CCBE1: variants seen among roughly 807,000 people sequenced by gnomAD.
CCBE1 encodes collagen and calcium-binding EGF domain-containing protein 1.
CCBE1 carries 37 observed loss-of-function variants against 50.0 expected under a neutral mutation model. The ratio of observed to expected loss-of-function variants is 0.74; its 90% CI spans 0.57 to 0.97. CCBE1 has a LOEUF of 0.97. Ranked by LOEUF, CCBE1 falls within the 50% of genes least tolerant of loss-of-function variation. The pLI, the probability that CCBE1 is intolerant of heterozygous loss-of-function variation, is 0.00. For missense variants in CCBE1, 538 were observed against 523.8 expected, an observed-to-expected ratio of 1.03 and a Z score of -0.26; for synonymous variants, 234 against 203.7, an observed-to-expected ratio of 1.15 and a Z score of -1.27.
At chr18:59,615,226 G>T (rs1028599748) in intron 2 of CCBE1, among the ~76,000 whole-genome samples, 1 of 152,188 alleles carries the variant, frequency 6.6e-6, no homozygotes, top group Non-Finnish European at 1.5e-5. Context: ...GGTATAAACC[G>T]CTGGGCTTGA....
At chr18:59,588,950 G>A (rs1025899175) in intron 2 of CCBE1, among the ~76,000 whole-genome samples, 1 of 152,242 alleles carries the variant, frequency 6.6e-6, no homozygotes, top group Non-Finnish European at 1.5e-5. Context: ...AACCCCTTGG[G>A]TAGCTTCACA....
chr18:59,581,117 T>C (rs28491982), intron 2 of CCBE1, among the ~76,000 whole-genome samples: 2,727 of 152,274 alleles, frequency 0.018, 65 homozygotes, highest in African/African-American at 0.062. Flanking sequence ...TATAAACTTA[T>C]CAGACAGAGT....
At chr18:59,469,636 A>T (rs113056795) in intron 3 of CCBE1, 29 bp from the exon 4 acceptor site, 1 of 1,613,618 alleles carries the variant, frequency 6.2e-7, no homozygotes, top group Non-Finnish European at 8.5e-7. Context: ...AGCTCACATC[A>T]ACTACAGGAG....
intron 2 of CCBE1, among the ~76,000 whole-genome samples, chr18:59,593,022 T>C (rs2053296660): frequency 6.6e-6 from 1 of 152,134 alleles, no homozygotes; most frequent in Admixed American, 6.5e-5. Context: ...AATAAAACTA[T>C]GAAATGCAAG....
intron 2 of CCBE1, among the ~76,000 whole-genome samples, chr18:59,606,825 G>A (rs1394033701): frequency 2.6e-5 from 4 of 152,086 alleles, no homozygotes; most frequent in East Asian, 1.9e-4. Flanking sequence ...TACATATTTC[G>A]ACAGCTGTTC....
intron 2 of CCBE1, among the ~76,000 whole-genome samples, chr18:59,693,644 T>A (rs1432762961): frequency 6.6e-6 from 1 of 152,156 alleles, no homozygotes; most frequent in Non-Finnish European, 1.5e-5. Flanking sequence ...AGTTTCAAAG[T>A]CCTGGATATA....
intron 7 of CCBE1, among the ~76,000 whole-genome samples, chr18:59,445,426 T>C (rs1408823135): frequency 1.3e-5 from 2 of 152,240 alleles, no homozygotes; most frequent in East Asian, 3.8e-4. Flanking sequence ...TGTTATACTA[T>C]ACTTGTCTCA....
rs1286271433 is a variant in CCBE1 at position 59,691,689 on chromosome 18, C to A, written c.212+4940G>T. ...AAAGTGCTGGGATTACAGGCGTGAG[C>A]CACCGCGCCCAGCTAGAGTTCTTCA... On this transcript the variant is annotated intron_variant, in intron 2 of 10. Coordinates refer to ENST00000439986, the MANE Select transcript of CCBE1 (RefSeq NM_133459.4). Among the ~76,000 whole-genome samples, 4 of 152,238 alleles carry A rather than the reference C, an allele frequency of 2.6e-5. No homozygotes were observed. The East Asian group carries it at 7.7e-4, about 29-fold the overall frequency.
intron 2 of CCBE1, among the ~76,000 whole-genome samples, chr18:59,514,342 C>G (rs890986771): frequency 3.3e-5 from 5 of 152,034 alleles, no homozygotes; most frequent in Non-Finnish European, 5.9e-5. Context: ...GCCCCTGACA[C>G]GGCTCCTCCA....
At chr18:59,631,420 C>T (rs754879559) in intron 2 of CCBE1, among the ~76,000 whole-genome samples, 5 of 152,086 alleles carry the variant, frequency 3.3e-5, no homozygotes, top group East Asian at 3.9e-4. Context: ...CACTTGCTAC[C>T]GAGAGTGCCG....
chr18:59,468,977 T>G (rs999866717), intron 4 of CCBE1, among the ~76,000 whole-genome samples: 1 of 152,128 alleles, frequency 6.6e-6, no homozygotes, highest in Non-Finnish European at 1.5e-5. Flanking sequence ...ACGGCTGGGA[T>G]AGCCAGTTCA....
chr18:59,609,095 G>A (rs1305258329), intron 2 of CCBE1, among the ~76,000 whole-genome samples: 1 of 152,138 alleles, frequency 6.6e-6, no homozygotes, highest in Non-Finnish European at 1.5e-5. Flanking sequence ...CTATCTTCGA[G>A]ACAGCACTTT....
chr18:59,579,393 G>A (rs1335722344), intron 2 of CCBE1, among the ~76,000 whole-genome samples: 26 of 145,938 alleles, frequency 1.8e-4, no homozygotes, highest in Non-Finnish European at 3.5e-4. Flanking sequence ...ATCACATGGG[G>A]ATCTTTAAAA....
chr18:59,455,008 G>A, intron 5 of CCBE1, 57 bp from the exon 6 acceptor site: 1 of 1,388,620 alleles, frequency 7.2e-7, no homozygotes, highest in Non-Finnish European at 1.0e-6. Context: ...GCCAGACCCA[G>A]AGAGACAGCA....
chr18:59,687,943 A>G (rs1193669003), intron 2 of CCBE1, among the ~76,000 whole-genome samples: 1 of 152,220 alleles, frequency 6.6e-6, no homozygotes, highest in African/African-American at 2.4e-5. Flanking sequence ...CTTGGGCAAC[A>G]GAGATTCCAT....
At chr18:59,649,040 T>C (rs2054092885) in intron 2 of CCBE1, among the ~76,000 whole-genome samples, 1 of 151,650 alleles carries the variant, frequency 6.6e-6, no homozygotes, top group Admixed American at 6.6e-5. Context: ...AGGGGGAGAG[T>C]GTCTGAGGAG....
At chr18:59,662,599 T>C (rs1457038220) in intron 2 of CCBE1, among the ~76,000 whole-genome samples, 3 of 152,190 alleles carry the variant, frequency 2.0e-5, no homozygotes, top group African/African-American at 7.2e-5. Context: ...ATGTGATTAC[T>C]GCATGATGTA....
At chr18:59,489,220 A>G (rs1046241171) in intron 2 of CCBE1, among the ~76,000 whole-genome samples, 4 of 152,214 alleles carry the variant, frequency 2.6e-5, no homozygotes, top group African/African-American at 9.7e-5. Context: ...AGATGTCAAC[A>G]GCAGCACACA....
intron 2 of CCBE1, among the ~76,000 whole-genome samples, chr18:59,535,540 G>GA (rs1379606307): frequency 6.6e-6 from 1 of 152,166 alleles, no homozygotes; most frequent in East Asian, 1.9e-4. Context: ...GCTCCAGTCT[G>GA]AAGTATGGGA....
Sources: gnomAD v4.1 joint callset for allele counts (sites outside exome capture counted in the v4.1 genomes callset) on GRCh38, gnomAD v4.1.1 for gene constraint, MANE v1.5 for transcripts, NCBI Gene and HGNC (gene_info 2026-07-23, HGNC 2026-07-21) for gene names.